ANKRD13A: variants seen among roughly 807,000 people sequenced by gnomAD.
ANKRD13A encodes ankyrin repeat domain-containing protein 13A.
A neutral mutation model predicts 81.3 loss-of-function variants in ANKRD13A; 48 were observed. The ratio of observed to expected loss-of-function variants is 0.59; its 90% CI spans 0.47 to 0.75. The LOEUF (loss-of-function observed/expected upper bound fraction) is 0.75, where lower values mean the gene tolerates loss of function less well. Ranked by LOEUF, ANKRD13A falls within the 30% of genes least tolerant of loss-of-function variation. The probability of loss-of-function intolerance (pLI) is 0.00; values close to 1 mark genes in which losing one functional copy is unlikely to be tolerated. For synonymous variants in ANKRD13A, 230 were observed against 270.1 expected (o/e 0.85, Z 1.45); for missense variants, 612 against 734.0 (o/e 0.83, Z 1.92).
intron 6 of ANKRD13A, chr12:110,021,425 C>CTTTTTTTTTTTTTTTTTTTTTTT (rs59262099): frequency 1.5e-5 from 2 of 129,928 alleles, no homozygotes; most frequent in Non-Finnish European, 3.2e-5. Flanking sequence ...TTTTTTCTTT[C>CTTTTTTTTTTTTTTTTTTTTTTT]TTTTTTTTTT....
intron 1 of ANKRD13A, among the ~76,000 whole-genome samples, chr12:110,010,318 A>G (rs955378815): frequency 6.6e-6 from 1 of 152,096 alleles, no homozygotes; most frequent in Non-Finnish European, 1.5e-5. Context: ...ATTTAGATTG[A>G]ATTTGTTAGG....
At chr12:110,002,602 C>A (rs962597430) in intron 1 of ANKRD13A, among the ~76,000 whole-genome samples, 5 of 152,050 alleles carry the variant, frequency 3.3e-5, no homozygotes, top group Non-Finnish European at 7.4e-5. Context: ...GGAGACAGAG[C>A]GAGGCTCCGA....
Position 109,999,567 on chromosome 12 carries a change from C to A in ANKRD13A, c.-122C>A. The A allele has an allele frequency of 2.9e-6, 2 of 696,596 alleles. No homozygotes were observed. Among genetic ancestry groups the A allele is most frequent in the Non-Finnish European group, 4.1e-6 (2 of 493,150 alleles). 43.2% of individuals were successfully genotyped at this position (696,596 alleles called of 1,614,324 possible). A position where few individuals can be genotyped will look rare whatever the true frequency, so the allele number is the denominator to read the frequency against. The stretch of plus-strand genomic sequence containing the variant: ...GCACCCGACCGGCTCAGCCGGCCGG[C>A]AGCGTAACACGCCCTACGCTCGCTT... On this transcript the variant is annotated 5_prime_UTR_variant, in exon 1 of 15. Transcript: ENST00000261739. The surrounding 1 kb of genome is among the most constrained non-coding windows in gnomAD (Gnocchi z 4.3).
intron 8 of ANKRD13A, 136 bp downstream of exon 8, chr12:110,025,959 T>A: frequency 4.8e-6 from 3 of 628,398 alleles, no homozygotes; most frequent in Non-Finnish European, 7.8e-6. Flanking sequence ...CTTCTCTCTC[T>A]CTCTCTTTTT....
At position 110,018,568 on chromosome 12, in the gene ANKRD13A, C is replaced by A; in HGVS notation, c.544+80C>A. 6.6e-7 allele frequency: 1 copy of A among 1,509,478 alleles called. No homozygotes were observed. The highest frequency in any genetic ancestry group is 9.1e-7 in the Non-Finnish European group (1 of 1,102,282). 93.5% of individuals were successfully genotyped at this position (1,509,478 alleles called of 1,614,324 possible). On this transcript the variant is annotated intron_variant, in intron 5 of 14. Coordinates refer to ENST00000261739, the MANE Select transcript of ANKRD13A (RefSeq NM_033121.2). This position sits in a 1 kb window ranked among gnomAD's most constrained non-coding sequence, Gnocchi z 4.4. ...TTAACCAAGAAAATGCTTTCACATT[C>A]ATGTGACTTTTCTGTCTGATCCTTC...
At position 110,016,460 on chromosome 12, in the gene ANKRD13A, T is replaced by C. The variant is rs1451998811; in HGVS notation, c.400+27T>C. Reference sequence around the variant, plus strand: ...TGAGTGGCTGTGGGCTCGTTATTTATTTCTCTTTCTAAATTTACTTAGCCC... The same window carrying C: ...TGAGTGGCTGTGGGCTCGTTATTTACTTCTCTTTCTAAATTTACTTAGCCC... On this transcript the variant is annotated intron_variant, in intron 4 of 14. Transcript: ENST00000261739. The C allele has an allele frequency of 2.6e-6, 4 of 1,560,060 alleles. No homozygotes were observed. The Admixed American group carries it at 7.4e-5, about 29-fold the overall frequency.
chr12:110,018,212 C>T lies in ANKRD13A; in HGVS notation c.401-133C>T. ...ATTTCCTGTATGGTAAATATGAAAG[C>T]CAAGAAGTCCGTTGTTTGATGGTCA... On this transcript the variant is annotated intron_variant, in intron 4 of 14. Transcript: ENST00000261739. The surrounding 1 kb of genome is among the most constrained non-coding windows in gnomAD (Gnocchi z 4.4). The T allele has an allele frequency of 2.3e-6, 2 of 879,368 alleles. No individual in the cohort carries two copies. The highest frequency in any genetic ancestry group is 3.4e-6 in the Non-Finnish European group (2 of 587,970). 54.5% of individuals were successfully genotyped at this position (879,368 alleles called of 1,614,324 possible). A position where few individuals can be genotyped will look rare whatever the true frequency, so the allele number is the denominator to read the frequency against.
intron 8 of ANKRD13A, 137 bp downstream of exon 8, chr12:110,025,960 C>A: frequency 1.5e-6 from 1 of 662,272 alleles, no homozygotes; most frequent in Non-Finnish European, 2.4e-6. Flanking sequence ...TTCTCTCTCT[C>A]TCTCTTTTTT....
At chr12:110,003,138 A>G (rs187562701) in intron 1 of ANKRD13A, among the ~76,000 whole-genome samples, 1 of 152,282 alleles carries the variant, frequency 6.6e-6, no homozygotes, top group Non-Finnish European at 1.5e-5. Flanking sequence ...ATGAACACTT[A>G]AGGGGACAGA....
At chr12:110,006,311 A>G (rs1212066698) in intron 1 of ANKRD13A, among the ~76,000 whole-genome samples, 1 of 152,156 alleles carries the variant, frequency 6.6e-6, no homozygotes, top group Non-Finnish European at 1.5e-5. Context: ...ATCCTTGTCA[A>G]CACTTGGTAT....
chr12:110,002,872 G>A (rs997706798), intron 1 of ANKRD13A, among the ~76,000 whole-genome samples: 3 of 152,186 alleles, frequency 2.0e-5, no homozygotes, highest in Non-Finnish European at 2.9e-5. Flanking sequence ...CTGTGTGTGT[G>A]AGCCAGCCCC....
intron 1 of ANKRD13A, among the ~76,000 whole-genome samples, chr12:110,004,119 T>C (rs531069523): frequency 6.6e-6 from 1 of 150,384 alleles, no homozygotes; most frequent in East Asian, 2.0e-4. Context: ...AATCGCACCA[T>C]TGCACTCTAG....
At chr12:110,004,572 G>C (rs1056816007) in intron 1 of ANKRD13A, among the ~76,000 whole-genome samples, 1 of 152,074 alleles carries the variant, frequency 6.6e-6, no homozygotes, top group Non-Finnish European at 1.5e-5. Context: ...CCAAGATCTC[G>C]GTGAGCTAAG....
In ANKRD13A at chr12:110,019,023, C is replaced by T. The variant is rs1890937947; in HGVS notation, c.545-116C>T. Reference sequence around the variant, plus strand: ...GATAATCAGTACACTGTAGGTTTTACCAGATAGCACCTGGGAGGACACACA... The same window carrying T: ...GATAATCAGTACACTGTAGGTTTTATCAGATAGCACCTGGGAGGACACACA... On this transcript the variant is annotated intron_variant, in intron 5 of 14. Coordinates refer to ENST00000261739, the MANE Select transcript of ANKRD13A (RefSeq NM_033121.2). 3.6e-6 allele frequency: 4 copies of T among 1,119,532 alleles called. No homozygotes were observed. In the South Asian group the frequency reaches 7.2e-5, roughly 20 times the overall value. The allele number at this position is 1,119,532 out of a possible 1,614,324, so 69.3% of individuals were successfully genotyped here.
At chr12:110,027,840 A>G in intron 9 of ANKRD13A, 74 bp downstream of exon 9, 1 of 1,501,150 alleles carries the variant, frequency 6.7e-7, no homozygotes, top group Non-Finnish European at 9.3e-7. Context: ...GATGGCATTT[A>G]CTGGATCCTG....
chr12:110,000,399 G>A (rs1889893273), intron 1 of ANKRD13A, among the ~76,000 whole-genome samples: 1 of 152,188 alleles, frequency 6.6e-6, no homozygotes, highest in Non-Finnish European at 1.5e-5. Flanking sequence ...AAACTCCCCA[G>A]GGAGGCTGAT....
intron 6 of ANKRD13A, chr12:110,021,421 C>CTTT: frequency 6.6e-6 from 1 of 151,596 alleles, no homozygotes; most frequent in South Asian, 1.5e-4. Flanking sequence ...TTTCTTTTTT[C>CTTT]TTTCTTTTTT....
At chr12:110,004,026 C>T (rs1890116628) in intron 1 of ANKRD13A, among the ~76,000 whole-genome samples, 1 of 152,038 alleles carries the variant, frequency 6.6e-6, no homozygotes. Flanking sequence ...GGCATGGTGG[C>T]GGGTGCTTGT....
At chr12:110,004,997 T>C (rs1319602473) in intron 1 of ANKRD13A, among the ~76,000 whole-genome samples, 1 of 138,006 alleles carries the variant, frequency 7.2e-6, no homozygotes, top group East Asian at 2.0e-4. Flanking sequence ...TATAAACATA[T>C]ACAGATTGAT....
Sources: gnomAD v4.1 joint callset for allele counts (sites outside exome capture counted in the v4.1 genomes callset) on GRCh38, gnomAD v4.1.1 for gene constraint, Gnocchi (gnomAD v3.1) non-coding constraint, MANE v1.5 for transcripts, NCBI Gene and HGNC (gene_info 2026-07-23, HGNC 2026-07-21) for gene names.